Variants in P2RX3 observed in about 807,000 individuals in gnomAD.
The protein encoded by P2RX3 is P2X purinoceptor 3.
P2RX3 carries 41 observed loss-of-function variants against 51.5 expected under a neutral mutation model. The ratio of observed to expected loss-of-function variants is 0.80; its 90% CI spans 0.62 to 1.03. P2RX3 has a LOEUF of 1.03. P2RX3 is among the 50% of genes least tolerant of loss of function. The probability of loss-of-function intolerance (pLI) is 0.00; values close to 1 mark genes in which losing one functional copy is unlikely to be tolerated. For synonymous variants in P2RX3, 185 were observed against 191.6 expected (o/e 0.97, Z 0.29); for missense variants, 459 against 522.1 (o/e 0.88, Z 1.18).
In P2RX3 at chr11:57,371,349, G is replaced by A. The variant is rs1255801112; in HGVS notation, c.*1352G>A. 1.3e-5 allele frequency among the ~76,000 whole-genome samples: 2 copies of A among 152,258 alleles called. No individual in the cohort carries two copies. Among genetic ancestry groups the A allele is most frequent in the African/African-American group, 4.8e-5 (2 of 41,470 alleles). On this transcript the variant is annotated 3_prime_UTR_variant, in exon 12 of 12. Coordinates refer to ENST00000263314, the MANE Select transcript of P2RX3 (RefSeq NM_002559.5). ...AAGAATACAAAATTAGGTATTAGAA[G>A]GGGCTCATGCAAGTGAATGAGCCTA...
intron 8 of P2RX3, among the ~76,000 whole-genome samples, chr11:57,354,606 A>G (rs959265993): frequency 3.3e-5 from 5 of 151,990 alleles, no homozygotes; most frequent in South Asian, 2.1e-4. Context: ...CAAGAGTACT[A>G]TATTTCCCAA....
At chr11:57,348,418 C>G in intron 5 of P2RX3, 155 bp downstream of exon 5, 2 of 775,268 alleles carry the variant, frequency 2.6e-6, no homozygotes, top group South Asian at 3.7e-5. Flanking sequence ...CCCAGGGTAT[C>G]ATCTTCCCCA....
At chr11:57,364,825 C>T (rs1856773792) in intron 8 of P2RX3, among the ~76,000 whole-genome samples, 1 of 152,100 alleles carries the variant, frequency 6.6e-6, no homozygotes. Flanking sequence ...CCTTGACCTC[C>T]AAGCCCTCTT....
chr11:57,369,260 A>T, intron 10 of P2RX3, 101 bp from the exon 11 acceptor site: 1 of 959,378 alleles, frequency 1.0e-6, no homozygotes. Context: ...CCCACTGTTT[A>T]GGCAGCTTGG....
chr11:57,362,061 G>T (rs377428189), intron 8 of P2RX3, among the ~76,000 whole-genome samples: 1 of 152,224 alleles, frequency 6.6e-6, no homozygotes, highest in South Asian at 2.1e-4. Context: ...CACAGAGCAG[G>T]TGTGCTCCAA....
intron 10 of P2RX3, among the ~76,000 whole-genome samples, 195 bp downstream of exon 10, chr11:57,368,632 T>C (rs1856833820): frequency 1.3e-5 from 2 of 152,188 alleles, no homozygotes; most frequent in Admixed American, 1.3e-4. Flanking sequence ...TCTCCAGTCA[T>C]GGAGAGCTCA....
intron 2 of P2RX3, 87 bp downstream of exon 2, chr11:57,346,766 G>T: frequency 6.6e-7 from 1 of 1,526,528 alleles, no homozygotes; most frequent in African/African-American, 1.4e-5. Context: ...GTGCCAATGG[G>T]ATTCCCAAAC....
chr11:57,346,717 A>C (rs746348834), intron 2 of P2RX3, 38 bp downstream of exon 2: 8 of 1,608,896 alleles, frequency 5.0e-6, no homozygotes, highest in Non-Finnish European at 5.9e-6. Flanking sequence ...GTGGATGTCC[A>C]GACACTGGGC....
chr11:57,356,977 G>T (rs1856640891), intron 8 of P2RX3, among the ~76,000 whole-genome samples: 1 of 152,178 alleles, frequency 6.6e-6, no homozygotes, highest in Non-Finnish European at 1.5e-5. Flanking sequence ...GTGAGCCAGA[G>T]AATTAGCAGG....
intron 8 of P2RX3, among the ~76,000 whole-genome samples, chr11:57,354,867 G>T (rs1010904981): frequency 6.6e-6 from 1 of 152,184 alleles, no homozygotes; most frequent in Non-Finnish European, 1.5e-5. Flanking sequence ...TTAATAAAGG[G>T]ACTGTTTCAA....
intron 5 of P2RX3, 69 bp from the exon 6 acceptor site, chr11:57,348,558 C>T: frequency 3.7e-6 from 5 of 1,346,770 alleles, no homozygotes; most frequent in Non-Finnish European, 3.2e-6. Flanking sequence ...GAAAGGTCGC[C>T]CTCAGGTGAA....
At chr11:57,338,000 TG>T (rs1478780929), upstream of P2RX3, among the ~76,000 whole-genome samples, 3 of 152,160 alleles carry the variant, frequency 2.0e-5, no homozygotes, top group African/African-American at 7.2e-5. Context: ...CCCATGCCAC[TG>T]GGGGCAACTC....
At position 57,370,108 on chromosome 11, in the gene P2RX3, T is replaced by G; in HGVS notation, c.*111T>G. On this transcript the variant is annotated 3_prime_UTR_variant, in exon 12 of 12. Coordinates refer to ENST00000263314, the MANE Select transcript of P2RX3 (RefSeq NM_002559.5). Reference sequence around the variant, plus strand: ...AGGGGCTCTCATTTCTGCTGCTCATTCCATGAGCATAGCTGGGACCCAAGT... The same window carrying G: ...AGGGGCTCTCATTTCTGCTGCTCATGCCATGAGCATAGCTGGGACCCAAGT... The G allele has an allele frequency of 1.8e-5, 14 of 757,112 alleles. No individual in the cohort carries two copies. Among genetic ancestry groups the G allele is most frequent in the Non-Finnish European group, 2.4e-5 (11 of 454,790 alleles). The allele number at this position is 757,112 out of a possible 1,614,324, so 46.9% of individuals were successfully genotyped here. A position where few individuals can be genotyped will look rare whatever the true frequency, so the allele number is the denominator to read the frequency against.
At chr11:57,340,731 A>G (rs1590620384) in intron 1 of P2RX3, 1 of 152,326 alleles carries the variant, frequency 6.6e-6, no homozygotes, top group Admixed American at 6.5e-5. Context: ...GTGCACAGTT[A>G]TAGAGAGCCG....
chr11:57,349,631 C>T (rs1856506182), intron 6 of P2RX3, 126 bp from the exon 7 acceptor site: 9 of 1,123,106 alleles, frequency 8.0e-6, no homozygotes, highest in Middle Eastern at 2.0e-4. Context: ...AGGGAGATGG[C>T]GAGGTCCAGA....
At chr11:57,369,321 AG>A (rs1373831525) in intron 10 of P2RX3, 39 bp from the exon 11 acceptor site, 1 of 1,585,638 alleles carries the variant, frequency 6.3e-7, no homozygotes, top group Non-Finnish European at 8.6e-7. Context: ...CACCCAACCC[AG>A]GGCACCCCTC....
chr11:57,341,900 C>G (rs1327157492), intron 1 of P2RX3, among the ~76,000 whole-genome samples: 1 of 152,156 alleles, frequency 6.6e-6, no homozygotes, highest in Non-Finnish European at 1.5e-5. Context: ...GCCATCTGTA[C>G]AGCCCCATGC....
At chr11:57,351,501 T>G (rs1194707247) in intron 8 of P2RX3, among the ~76,000 whole-genome samples, 1 of 152,032 alleles carries the variant, frequency 6.6e-6, no homozygotes, top group Non-Finnish European at 1.5e-5. Flanking sequence ...TTTGTTTTGT[T>G]TTTCCATTTT....
At chr11:57,368,560 C>G in intron 10 of P2RX3, 123 bp downstream of exon 10, 3 of 1,075,064 alleles carry the variant, frequency 2.8e-6, no homozygotes, top group Non-Finnish European at 4.2e-6. Flanking sequence ...CCCCTACCCC[C>G]ACTTGCTAGG....
Sources: allele counts gnomAD v4.1 joint callset (sites outside exome capture counted in the v4.1 genomes callset), GRCh38; gene constraint gnomAD v4.1.1; transcripts MANE v1.5; gene names NCBI Gene and HGNC (gene_info 2026-07-23, HGNC 2026-07-21).